EFCC1: variants seen among roughly 807,000 people sequenced by gnomAD.
EFCC1 encodes EF-hand and coiled-coil domain containing 1, also known as EF-hand and coiled-coil domain-containing protein 1.
In EFCC1, 50 loss-of-function variants were observed where a neutral mutation model predicts 52.1. The observed-to-expected ratio is 0.96, with a 90% CI of 0.76 to 1.21. The LOEUF is 1.21. Ranked by LOEUF, EFCC1 falls within the 50% of genes most tolerant of loss-of-function variation. The pLI is 0.00. For missense variants in EFCC1, 837 were observed against 867.3 expected, an observed-to-expected ratio of 0.97 and a Z score of 0.44; for synonymous variants, 399 against 396.5, an observed-to-expected ratio of 1.01 and a Z score of -0.08.
chr3:129,038,541 G>A (rs995120570), intron 6 of EFCC1, among the ~76,000 whole-genome samples: 1 of 152,260 alleles, frequency 6.6e-6, no homozygotes, highest in African/African-American at 2.4e-5. Context: ...GCATTAAAAT[G>A]CTCTTAGGGT....
chr3:129,031,958 C>T (rs1946280640), intron 3 of EFCC1, among the ~76,000 whole-genome samples: 1 of 152,172 alleles, frequency 6.6e-6, no homozygotes, highest in African/African-American at 2.4e-5. Flanking sequence ...TCAAGTGCCC[C>T]TGGAGCTGGG....
At chr3:129,037,199 C>G (rs1232114515) in intron 6 of EFCC1, 82 bp downstream of exon 6, 1 of 1,463,306 alleles carries the variant, frequency 6.8e-7, no homozygotes, top group Admixed American at 2.7e-5. Context: ...AGGCACCAGG[C>G]TCTAGGCTCT....
intron 2 of EFCC1, among the ~76,000 whole-genome samples, chr3:129,007,682 AC>A (rs998523393): frequency 6.6e-6 from 1 of 152,210 alleles, no homozygotes; most frequent in African/African-American, 2.4e-5. Flanking sequence ...AAAGTCACAT[AC>A]CCAAACTCAG....
chr3:129,017,489 C>T (rs981756170), intron 2 of EFCC1, among the ~76,000 whole-genome samples: 7 of 152,228 alleles, frequency 4.6e-5, no homozygotes, highest in Non-Finnish European at 1.0e-4. Flanking sequence ...CGGGTCTGGA[C>T]CCCCTGGGAA....
rs118125047 is a variant in EFCC1, at chr3:129,007,945, T to G, written c.980+3868T>G. On this transcript the variant is annotated intron_variant, in intron 2 of 7. Coordinates refer to ENST00000683648, the MANE Select transcript of EFCC1 (RefSeq NM_001377500.1). ...GCTGTAATATCTGAGCTTCCTGAGATGTTTTACACCTGCTGTCTTTGTCAT... is the reference window on the plus strand; with the variant it reads ...GCTGTAATATCTGAGCTTCCTGAGAGGTTTTACACCTGCTGTCTTTGTCAT... 2.1e-4 allele frequency among the ~76,000 whole-genome samples: 32 copies of G among 152,360 alleles called. No individual in the cohort carries two copies. In the East Asian group the frequency reaches 6.0e-3, roughly 28 times the overall value.
intron 5 of EFCC1, among the ~76,000 whole-genome samples, chr3:129,036,427 G>A (rs191682157): frequency 8.3e-4 from 126 of 152,366 alleles, no homozygotes; most frequent in Admixed American, 3.2e-3. Context: ...CTTTGTGACT[G>A]CCTGGCATCC....
Position 129,003,947 on chromosome 3 carries a change from C to T in EFCC1, c.850C>T (p.Arg284Cys), listed in dbSNP as rs780372831. ...CCGTGGCCAGGCCGAGGTGCGGCGG[C>T]GCGCGGAGGAGGCCCGGCAGGTGGT... ...LRRGQAEVRR[R>C]AEEARQVVLR... Residue 284 changes from arginine to cysteine, a missense_variant, in exon 2 of 8, where the codon CGC (arginine) becomes TGC (cysteine). Physicochemically the swap from Arg to Cys is radical, Grantham distance 180 (BLOSUM62 -3). Transcript: ENST00000683648. 29 of 1,409,254 alleles carry T rather than the reference C, an allele frequency of 2.1e-5. No homozygotes were observed. The South Asian group carries it at 3.8e-4, about 19-fold the overall frequency. The allele number at this position is 1,409,254 out of a possible 1,614,324, so 87.3% of individuals were successfully genotyped here.
intron 2 of EFCC1, among the ~76,000 whole-genome samples, chr3:129,025,299 G>A (rs1345265658): frequency 6.6e-6 from 1 of 152,070 alleles, no homozygotes; most frequent in Non-Finnish European, 1.5e-5. Flanking sequence ...GGGTCGGGAC[G>A]GAGAGGCAAA....
At chr3:129,002,354 A>G (rs1944828875) in intron 1 of EFCC1, 30 bp downstream of exon 1, 1 of 1,500,092 alleles carries the variant, frequency 6.7e-7, no homozygotes, top group Admixed American at 2.1e-5. Flanking sequence ...GGAGGGTGGT[A>G]ACGCCCGGGA....
At chr3:129,002,614 C>T (rs1344231753) in intron 1 of EFCC1, 1 of 478,996 alleles carries the variant, frequency 2.1e-6, no homozygotes, top group Non-Finnish European at 3.5e-6. Context: ...GCGTCTTGCC[C>T]CTTTAACCTA....
chr3:129,035,862 C>T (rs1010368867), intron 5 of EFCC1, among the ~76,000 whole-genome samples: 1 of 152,204 alleles, frequency 6.6e-6, no homozygotes, highest in African/African-American at 2.4e-5. Context: ...CCTCGGTTTC[C>T]TCACCTGTGA....
Position 129,002,017 on chromosome 3 carries a change from G to A in EFCC1, c.389G>A (p.Arg130His), listed in dbSNP as rs1391726185. The stretch of plus-strand genomic sequence containing the variant: ...GACTCAGATACCGATGAAGAGGCGC[G>A]CCTGGCGCTGCGCGCCGAGCCGCCG... Reference protein sequence around the residue: ...DGDSDTDEEARLALRAEPPEL... With the variant: ...DGDSDTDEEAHLALRAEPPEL... Residue 130 changes from arginine to histidine, a missense_variant, in exon 1 of 8, where the codon CGC becomes CAC. By Grantham distance (29) the Arg-to-His change is conservative. Coordinates refer to ENST00000683648, the MANE Select transcript of EFCC1 (RefSeq NM_001377500.1). 6.5e-7 allele frequency: 1 copy of A among 1,545,538 alleles called. No individual in the cohort carries two copies.
chr3:129,024,358 C>T (rs1946004497), intron 2 of EFCC1, among the ~76,000 whole-genome samples: 1 of 151,800 alleles, frequency 6.6e-6, no homozygotes, highest in Non-Finnish European at 1.5e-5. Context: ...ATGGTAAAAC[C>T]CTTTCTCTAC....
At chr3:129,027,467 C>T (rs1421959707) in intron 2 of EFCC1, among the ~76,000 whole-genome samples, 3 of 152,186 alleles carry the variant, frequency 2.0e-5, no homozygotes, top group Non-Finnish European at 2.9e-5. Context: ...CGCGGGGGCT[C>T]ACCCCAGTCA....
chr3:129,008,728 G>A (rs2107870282), intron 2 of EFCC1, among the ~76,000 whole-genome samples: 1 of 152,266 alleles, frequency 6.6e-6, no homozygotes, highest in Non-Finnish European at 1.5e-5. Context: ...TGAAATAGAA[G>A]CCTCCCAGGT....
chr3:129,039,928 C>A lies in EFCC1; in HGVS notation c.*80C>A. ...CCTCCATGATCAGCCCAACCACTGACAGCTGGTCTGACCACCGTCACATCA... is the reference window on the plus strand; with the variant it reads ...CCTCCATGATCAGCCCAACCACTGAAAGCTGGTCTGACCACCGTCACATCA... On this transcript the variant is annotated 3_prime_UTR_variant, in exon 8 of 8. Transcript: ENST00000683648. 6.7e-7 allele frequency: 1 copy of A among 1,485,048 alleles called. No homozygotes were observed. 92.0% of individuals were successfully genotyped at this position (1,485,048 alleles called of 1,614,324 possible). A position where few individuals can be genotyped will look rare whatever the true frequency, so the allele number is the denominator to read the frequency against.
At chr3:129,037,609 G>T in intron 6 of EFCC1, among the ~76,000 whole-genome samples, 1 of 152,110 alleles carries the variant, frequency 6.6e-6, no homozygotes, top group East Asian at 1.9e-4. Context: ...CTCAATTGAT[G>T]CAGAAAAGGA....
At chr3:129,035,232 G>C (rs1187349043) in intron 5 of EFCC1, among the ~76,000 whole-genome samples, 1 of 152,190 alleles carries the variant, frequency 6.6e-6, no homozygotes, top group Non-Finnish European at 1.5e-5. Flanking sequence ...TTTTAAAAAT[G>C]ATACCAGCTG....
chr3:129,002,249 T>TGG lies in EFCC1; in HGVS notation c.621_622insGG (p.Ser208GlyfsTer23). On this transcript the variant is annotated frameshift_variant, in exon 1 of 8. Coordinates refer to ENST00000683648, the MANE Select transcript of EFCC1 (RefSeq NM_001377500.1). LOFTEE classifies it high-confidence loss of function. ...GCGTTGCGCGGCTGGAGGAGGAGAA[T>TGG]AGCAGCTTGCGCGAGTTGGTGGAGG... 1 of 1,531,224 alleles carries TGG rather than the reference T, an allele frequency of 6.5e-7. No individual in the cohort carries two copies. The highest frequency in any genetic ancestry group is 8.7e-7 in the Non-Finnish European group (1 of 1,144,694). The allele number at this position is 1,531,224 out of a possible 1,614,324, so 94.9% of individuals were successfully genotyped here. A position where few individuals can be genotyped will look rare whatever the true frequency, so the allele number is the denominator to read the frequency against.
Sources: allele counts gnomAD v4.1 joint callset (sites outside exome capture counted in the v4.1 genomes callset), GRCh38; gene constraint gnomAD v4.1.1; transcripts MANE v1.5; gene names NCBI Gene and HGNC (gene_info 2026-07-23, HGNC 2026-07-21).